The following USH2A variants were observed in gnomAD, a reference collection of about 807,000 sequenced individuals.
USH2A encodes the protein usherin.
A neutral mutation model predicts 538.9 loss-of-function variants in USH2A; 443 were observed. The ratio of observed to expected loss-of-function variants is 0.82; its 90% confidence interval spans 0.76 to 0.89. USH2A has a LOEUF of 0.89. USH2A is among the 40% of genes least tolerant of loss of function. USH2A has a pLI of 0.00. For synonymous variants in USH2A, 2,413 were observed against 2,273.5 expected (o/e 1.06, Z -1.75); for missense variants, 6,633 against 6,324.8 (o/e 1.05, Z -1.65).
At chr1:215,647,485 A>G (rs763392103) in intron 67 of USH2A, 37 bp downstream of exon 67, 54 of 1,611,774 alleles carry the variant, frequency 3.4e-5, no homozygotes, top group Non-Finnish European at 4.4e-5. Flanking sequence ...CCACATTCCA[A>G]TCTCTCTGGC....
chr1:215,888,380 G>T (rs753166913), intron 41 of USH2A, 46 bp downstream of exon 41: 36 of 1,609,308 alleles, frequency 2.2e-5, no homozygotes, highest in Non-Finnish European at 2.9e-5. Context: ...TCAATCCAGG[G>T]TACATTCCTA....
intron 13 of USH2A, among the ~76,000 whole-genome samples, chr1:216,238,913 C>T (rs368093755): frequency 2.2e-4 from 33 of 152,024 alleles, no homozygotes; most frequent in East Asian, 1.2e-3. Context: ...TGCTGTCTGC[C>T]CCTGTGGTAT....
intron 30 of USH2A, among the ~76,000 whole-genome samples, chr1:216,054,979 A>T (rs1558234081): frequency 6.6e-6 from 1 of 152,202 alleles, no homozygotes; most frequent in Non-Finnish European, 1.5e-5. Flanking sequence ...CCTTGTAAGG[A>T]TCATGCACAA....
chr1:215,804,962 TG>T (rs1268770023), intron 49 of USH2A, among the ~76,000 whole-genome samples: 1 of 152,054 alleles, frequency 6.6e-6, no homozygotes, highest in Non-Finnish European at 1.5e-5. Context: ...CCATAAAAAA[TG>T]ATGAGTTCAT....
intron 35 of USH2A, among the ~76,000 whole-genome samples, chr1:215,986,484 A>G (rs1667877934): frequency 6.6e-6 from 1 of 151,954 alleles, no homozygotes; most frequent in Admixed American, 6.6e-5. Context: ...GTGGTTATTA[A>G]CAAATCCTGA....
intron 56 of USH2A, among the ~76,000 whole-genome samples, chr1:215,763,054 T>C (rs1039902062): frequency 1.3e-5 from 2 of 152,186 alleles, no homozygotes; most frequent in Non-Finnish European, 2.9e-5. Flanking sequence ...AATCTGGTGA[T>C]AGGAACAAAT....
intron 19 of USH2A, chr1:216,196,035 A>G (rs1392029043): frequency 1.1e-5 from 2 of 175,148 alleles, no homozygotes; most frequent in African/African-American, 2.4e-5. Flanking sequence ...AGAAGGCAAT[A>G]TATGACTGTA....
Position 216,044,904 on chromosome 1 carries a change from G to A in USH2A, c.6325+1527C>T, listed in dbSNP as rs1291789092. The stretch of plus-strand genomic sequence containing the variant: ...CAATTATGAATAATAAAATATAAAA[G>A]TAATTGTTCTTGTCCTTTTAAGGTT... On this transcript the variant is annotated intron_variant, in intron 32 of 71. Coordinates refer to ENST00000307340, the MANE Select transcript of USH2A (RefSeq NM_206933.4). Among the ~76,000 whole-genome samples, 3 of 152,196 alleles carry A rather than the reference G, an allele frequency of 2.0e-5. No homozygotes were observed. In the East Asian group the frequency reaches 5.8e-4, roughly 29 times the overall value.
intron 63 of USH2A, among the ~76,000 whole-genome samples, chr1:215,672,842 T>A (rs546811404): frequency 3.3e-5 from 5 of 152,242 alleles, no homozygotes; most frequent in Admixed American, 2.6e-4. Flanking sequence ...TTCTCTCACA[T>A]TCTTAAATAT....
chr1:215,644,979 T>G (rs981706430), intron 67 of USH2A, among the ~76,000 whole-genome samples: 1 of 152,136 alleles, frequency 6.6e-6, no homozygotes, highest in Non-Finnish European at 1.5e-5. Context: ...ATGAAGTGGA[T>G]GAAGTTCACT....
chr1:216,152,263 C>G (rs544420189), intron 21 of USH2A, among the ~76,000 whole-genome samples: 3 of 152,220 alleles, frequency 2.0e-5, no homozygotes, highest in African/African-American at 4.8e-5. Flanking sequence ...TGCACGTATA[C>G]GCCCAGATGG....
At chr1:215,645,102 C>A (rs1656804653) in intron 67 of USH2A, among the ~76,000 whole-genome samples, 1 of 152,144 alleles carries the variant, frequency 6.6e-6, no homozygotes, top group Non-Finnish European at 1.5e-5. Context: ...GAGCAAATTA[C>A]TGACTGAAGA....
chr1:216,250,226 C>A (rs1341889234), intron 12 of USH2A, among the ~76,000 whole-genome samples: 1 of 152,026 alleles, frequency 6.6e-6, no homozygotes, highest in Non-Finnish European at 1.5e-5. Context: ...AATCTAATTT[C>A]CGAAAAATAC....
At chr1:215,871,158 G>A (rs886476908) in intron 43 of USH2A, among the ~76,000 whole-genome samples, 18 of 151,990 alleles carry the variant, frequency 1.2e-4, no homozygotes, top group African/African-American at 3.9e-4. Context: ...ACCATCCTCC[G>A]GTCTCTCCCT....
At chr1:215,947,710 T>C (rs533810304) in intron 37 of USH2A, among the ~76,000 whole-genome samples, 1 of 152,362 alleles carries the variant, frequency 6.6e-6, no homozygotes, top group African/African-American at 2.4e-5. Context: ...CAGTTTGGCT[T>C]GTACTGTCAT....
At chr1:216,415,700 G>GT (rs985954235) in intron 3 of USH2A, among the ~76,000 whole-genome samples, 6 of 151,470 alleles carry the variant, frequency 4.0e-5, no homozygotes, top group African/African-American at 1.5e-4. Flanking sequence ...TTTTTAGGGT[G>GT]TTTTTTCGTA....
intron 21 of USH2A, among the ~76,000 whole-genome samples, chr1:216,122,575 G>T (rs2033159205): frequency 6.6e-6 from 1 of 152,212 alleles, no homozygotes; most frequent in Non-Finnish European, 1.5e-5. Context: ...CATAAAGAGA[G>T]TCAATCACCA....
chr1:215,959,972 A>T (rs1420198285), intron 37 of USH2A, among the ~76,000 whole-genome samples: 1 of 152,136 alleles, frequency 6.6e-6, no homozygotes, highest in African/African-American at 2.4e-5. Flanking sequence ...ATAACCACTT[A>T]AGAAAAAAGC....
rs772713349 is a variant in USH2A at position 215,962,866 on chromosome 1, CTTG to C, written c.7120+2448_7120+2450del. Among the ~76,000 whole-genome samples the C allele has an allele frequency of 5.3e-5, 8 of 152,056 alleles. No individual in the cohort carries two copies. In the South Asian group the frequency reaches 6.2e-4, roughly 12 times the overall value. On this transcript the variant is annotated intron_variant, in intron 37 of 71. Coordinates refer to ENST00000307340, the MANE Select transcript of USH2A (RefSeq NM_206933.4). ...TCACACTTTGATACGTGCCACTTCA[CTTG>C]TTGTTACGAAACCTAATGTTTTTGT...
Sources: gnomAD v4.1 joint callset for allele counts (sites outside exome capture counted in the v4.1 genomes callset) on GRCh38, gnomAD v4.1.1 for gene constraint, MANE v1.5 for transcripts, NCBI Gene and HGNC (gene_info 2026-07-23, HGNC 2026-07-21) for gene names.